The following CHD2 variants were observed in gnomAD, a reference collection of about 807,000 sequenced individuals.
The protein encoded by CHD2 is ATP-dependent chromatin remodeler CHD2.
Under a neutral mutation model 243.9 loss-of-function variants are expected in CHD2, and 28 were observed. That is an observed-to-expected ratio of 0.11 (90% confidence interval 0.09 to 0.16). The LOEUF is 0.16. CHD2 is among the 10% of genes least tolerant of loss of function. The pLI, the probability that CHD2 is intolerant of heterozygous loss-of-function variation, is 1.00. For synonymous variants in CHD2, 775 were observed against 779.0 expected (o/e 0.99, Z 0.09); for missense variants, 1,386 against 2,209.8 (o/e 0.63, Z 7.47).
intron 17 of CHD2, among the ~76,000 whole-genome samples, chr15:92,969,434 G>A (rs2141833146): frequency 6.6e-6 from 1 of 152,298 alleles, no homozygotes; most frequent in East Asian, 1.9e-4. Context: ...TCACTTCTGG[G>A]TGTGACTTCA....
intron 2 of CHD2, among the ~76,000 whole-genome samples, chr15:92,923,690 C>T (rs1596378959): frequency 6.6e-6 from 1 of 151,758 alleles, no homozygotes; most frequent in African/African-American, 2.4e-5. Context: ...CTCAGTCTCC[C>T]GAGTAGCTTA....
In CHD2 at chr15:93,004,689, A is replaced by G; in HGVS notation, c.4351A>G (p.Ser1451Gly). 6.2e-7 allele frequency: 1 copy of G among 1,613,992 alleles called. No individual in the cohort carries two copies. Among genetic ancestry groups the G allele is most frequent in the Non-Finnish European group, 8.5e-7 (1 of 1,179,892 alleles). The change falls in exon 34 of 39, where the codon AGT becomes GGT. Residue 1451 changes from serine to glycine, a missense_variant. Ser to Gly is a moderately conservative substitution (Grantham distance 56, BLOSUM62 0). Around this residue, in one of 19 missense-constraint regions of CHD2, gnomAD observed 22 missense variants for 60.2 expected, o/e 0.37. Coordinates refer to ENST00000394196, the MANE Select transcript of CHD2 (RefSeq NM_001271.4). ...GGGTCCTGTCCATATTACAGCAGGA[A>G]GTGAACCTGTCCCCATTGGAGAGGA... is the stretch of plus-strand genomic sequence containing the variant. Reference protein sequence around the residue: ...SQGPVHITAGSEPVPIGEDED... With the variant: ...SQGPVHITAGGEPVPIGEDED...
intron 14 of CHD2, among the ~76,000 whole-genome samples, chr15:92,954,764 T>C (rs2053597482): frequency 6.6e-6 from 1 of 152,186 alleles, no homozygotes; most frequent in African/African-American, 2.4e-5. Context: ...TTACCCCCAC[T>C]TGGGGGCGAT....
intron 26 of CHD2, 168 bp from the exon 27 acceptor site, chr15:92,991,308 G>C (rs776919457): frequency 1.8e-4 from 90 of 495,922 alleles, no homozygotes; most frequent in Non-Finnish European, 3.0e-4. Flanking sequence ...AAGTTGACTA[G>C]TTTCAAAGAC....
At chr15:92,968,499 C>T (rs918571809) in intron 17 of CHD2, among the ~76,000 whole-genome samples, 9 of 152,158 alleles carry the variant, frequency 5.9e-5, no homozygotes, top group Non-Finnish European at 7.4e-5. Flanking sequence ...GGATAAATGT[C>T]CTTTTTTGTG....
chr15:92,964,232 T>A lies in CHD2; in HGVS notation c.2001-3093T>A, dbSNP rs937805551. Reference sequence around the variant, plus strand: ...CAAGTTTTTTTCTGTGAAAGAGATCTTTTTTTCTTTGAAAATTTTGTGTTT... The same window carrying A: ...CAAGTTTTTTTCTGTGAAAGAGATCATTTTTTCTTTGAAAATTTTGTGTTT... On this transcript the variant is annotated intron_variant, in intron 16 of 38. Coordinates refer to ENST00000394196, the MANE Select transcript of CHD2 (RefSeq NM_001271.4). Among the ~76,000 whole-genome samples the A allele has an allele frequency of 1.1e-3, 12 of 11,264 alleles. No individual in the cohort carries two copies. In the South Asian group the frequency reaches 0.052, roughly 49 times the overall value. The allele number at this position is 11,264 out of a possible 152,430, so 7.4% of individuals were successfully genotyped here.
Position 92,937,607 on chromosome 15 carries a change from G to T in CHD2, c.533G>T (p.Arg178Ile). The T allele has an allele frequency of 6.2e-7, 1 of 1,613,464 alleles. No homozygotes were observed. The highest frequency in any genetic ancestry group is 8.5e-7 in the Non-Finnish European group (1 of 1,179,626). Reference protein sequence around the residue: ...SEPEQKKVKARRPVPRRTVPK... With the variant: ...SEPEQKKVKAIRPVPRRTVPK... Reference sequence around the variant, plus strand: ...CCAGAACAAAAAAAAGTAAAAGCCAGAAGACCTGTCCCCAGAAGGTGCACT... The same window carrying T: ...CCAGAACAAAAAAAAGTAAAAGCCATAAGACCTGTCCCCAGAAGGTGCACT... The change falls in exon 6 of 39, where the codon AGA (arginine) becomes ATA (isoleucine). Residue 178 changes from arginine (R) to isoleucine (I), a missense_variant. Coordinates refer to ENST00000394196, the MANE Select transcript of CHD2 (RefSeq NM_001271.4).
intron 17 of CHD2, among the ~76,000 whole-genome samples, chr15:92,968,348 T>TCC (rs891284123): frequency 4.3e-4 from 65 of 152,272 alleles, no homozygotes; most frequent in African/African-American, 1.6e-3. Flanking sequence ...ACAGTGAGAC[T>TCC]CCATCTCTAT....
Position 92,998,424 on chromosome 15 carries a change from G to T in CHD2, c.3886-75G>T. ...AGGGAAAGGACTGTGCTCAGTTTTT[G>T]TTGTCTCTGTTTATCCTGATCCACT... On this transcript the variant is annotated intron_variant, in intron 30 of 38. Transcript: ENST00000394196. This position sits in a 1 kb window ranked among gnomAD's most constrained non-coding sequence, Gnocchi z 5.1. 1.3e-6 allele frequency: 2 copies of T among 1,579,012 alleles called. No homozygotes were observed. The highest frequency in any genetic ancestry group is 3.5e-5 in the Admixed American group (2 of 56,898).
At chr15:92,990,708 C>G (rs1321946018) in intron 26 of CHD2, among the ~76,000 whole-genome samples, 1 of 152,072 alleles carries the variant, frequency 6.6e-6, no homozygotes, top group Non-Finnish European at 1.5e-5. Flanking sequence ...CCATTTTTCC[C>G]TTAGCATCTG....
At chr15:93,011,041 C>G (rs1056856979) in intron 35 of CHD2, among the ~76,000 whole-genome samples, 1 of 151,760 alleles carries the variant, frequency 6.6e-6, no homozygotes, top group African/African-American at 2.4e-5. Context: ...AACACTGTTA[C>G]CAACTTCTTT....
chr15:93,011,108 A>G (rs185312241), intron 35 of CHD2, among the ~76,000 whole-genome samples: 14 of 150,438 alleles, frequency 9.3e-5, no homozygotes, highest in Admixed American at 6.0e-4. Flanking sequence ...TTTAACACTG[A>G]TTAGAAGATA....
intron 16 of CHD2, among the ~76,000 whole-genome samples, chr15:92,960,206 T>C (rs770082121): frequency 3.3e-5 from 5 of 152,178 alleles, no homozygotes; most frequent in Admixed American, 6.5e-5. Context: ...TTGATAAACT[T>C]ACTGTTTTCT....
chr15:93,012,288 T>TA (rs1372604688), intron 35 of CHD2, 57 bp from the exon 36 acceptor site: 4 of 1,212,384 alleles, frequency 3.3e-6, no homozygotes, highest in Non-Finnish European at 4.7e-6. Context: ...ATGAAGATCA[T>TA]AAAAAATTGC....
intron 2 of CHD2, among the ~76,000 whole-genome samples, chr15:92,915,332 T>A (rs1426237307): frequency 6.6e-6 from 1 of 152,070 alleles, no homozygotes; most frequent in East Asian, 1.9e-4. Flanking sequence ...TGGAGTGCAG[T>A]GGTGCGATCT....
intron 20 of CHD2, among the ~76,000 whole-genome samples, chr15:92,976,297 T>C (rs1269693317): frequency 6.6e-6 from 1 of 152,222 alleles, no homozygotes; most frequent in Non-Finnish European, 1.5e-5. Flanking sequence ...TAAAAATTCC[T>C]TTAAAAAACT....
intron 2 of CHD2, among the ~76,000 whole-genome samples, chr15:92,912,479 C>T (rs2141718989): frequency 6.6e-6 from 1 of 151,994 alleles, no homozygotes; most frequent in East Asian, 1.9e-4. Flanking sequence ...GCCTCAGCCT[C>T]CCAAGTAGCT....
At chr15:92,904,293 G>GGCCGGC in intron 2 of CHD2, 2 of 218,438 alleles carry the variant, frequency 9.2e-6, no homozygotes, top group Non-Finnish European at 1.6e-5. Flanking sequence ...TTCAAAGGCC[G>GGCCGGC]GCCGGCGCCG....
At chr15:92,911,897 G>C (rs2064094701) in intron 2 of CHD2, among the ~76,000 whole-genome samples, 1 of 152,078 alleles carries the variant, frequency 6.6e-6, no homozygotes, top group African/African-American at 2.4e-5. Flanking sequence ...GTGCACTGTG[G>C]GTGTGATTGA....
Sources: gnomAD v4.1 joint callset for allele counts (sites outside exome capture counted in the v4.1 genomes callset) on GRCh38, gnomAD v4.1.1 for gene constraint, gnomAD v4.1.1 regional missense constraint, Gnocchi (gnomAD v3.1) non-coding constraint, MANE v1.5 for transcripts, NCBI Gene and HGNC (gene_info 2026-07-23, HGNC 2026-07-21) for gene names.